The following SNX6 variants were observed in gnomAD, a reference collection of about 807,000 sequenced individuals.
SNX6 encodes the protein sorting nexin 6.
SNX6 carries 34 observed loss-of-function variants against 63.0 expected under a neutral mutation model. That is an observed-to-expected ratio of 0.54 (90% CI 0.41 to 0.72). The LOEUF (loss-of-function observed/expected upper bound fraction) is 0.72. SNX6 is among the 30% of genes least tolerant of loss of function. The pLI, the probability that SNX6 is intolerant of heterozygous loss-of-function variation, is 0.00. For missense variants in SNX6, 398 were observed against 471.4 expected, an observed-to-expected ratio of 0.84 and a Z score of 1.44; for synonymous variants, 170 against 164.2, an observed-to-expected ratio of 1.04 and a Z score of -0.27.
intron 11 of SNX6, chr14:34,569,117 T>TA: frequency 1.1e-6 from 1 of 910,124 alleles, no homozygotes; most frequent in Admixed American, 1.7e-5. Flanking sequence ...TCTTTTACAG[T>TA]AACTCCAGGC....
At chr14:34,601,574 T>C (rs1048374667) in intron 6 of SNX6, among the ~76,000 whole-genome samples, 4 of 151,520 alleles carry the variant, frequency 2.6e-5, no homozygotes, top group Non-Finnish European at 5.9e-5. Context: ...TCAGTGTCCC[T>C]TGTAGTAACA....
intron 8 of SNX6, among the ~76,000 whole-genome samples, chr14:34,590,088 G>A (rs1399339127): frequency 2.0e-5 from 3 of 151,998 alleles, no homozygotes; most frequent in African/African-American, 7.3e-5. Context: ...CTGGGTGACA[G>A]AGCGAGACCC....
chr14:34,605,764 G>C, intron 4 of SNX6, 47 bp from the exon 5 acceptor site: 1 of 1,580,900 alleles, frequency 6.3e-7, no homozygotes, highest in South Asian at 1.2e-5. Context: ...TTCATTTCTT[G>C]AAGCATTGTA....
intron 11 of SNX6, chr14:34,568,687 T>G: frequency 1.1e-6 from 1 of 936,328 alleles, no homozygotes; most frequent in Admixed American, 1.8e-5. Context: ...GCATGGTTTG[T>G]TCTAATGCTT....
At chr14:34,604,355 T>C (rs953224972) in intron 5 of SNX6, 1 of 1,096,128 alleles carries the variant, frequency 9.1e-7, no homozygotes, top group African/African-American at 1.7e-5. Flanking sequence ...ATTTCCAATT[T>C]TCAGTCTTAT....
At chr14:34,583,118 A>G (rs1380573158) in intron 9 of SNX6, among the ~76,000 whole-genome samples, 1 of 152,096 alleles carries the variant, frequency 6.6e-6, no homozygotes, top group Non-Finnish European at 1.5e-5. Flanking sequence ...CATCCTGGGT[A>G]ACATGGTGAA....
At position 34,626,681 on chromosome 14, in the gene SNX6, A is replaced by G. The variant is rs1883841023; in HGVS notation, c.54+3226T>C. 1.3e-5 allele frequency among the ~76,000 whole-genome samples: 2 copies of G among 151,374 alleles called. 1 individual carries two copies. The highest frequency in any genetic ancestry group is 4.2e-4 in the South Asian group (2 of 4,810). On this transcript the variant is annotated intron_variant, in intron 2 of 13. Coordinates refer to ENST00000362031, the MANE Select transcript of SNX6 (RefSeq NM_152233.4). ...GAGACTCCATTTCAAAAAAAAAAAAAGAGAAAGTTTCTGGACAAATTACTT... is the reference window on the plus strand; with the variant it reads ...GAGACTCCATTTCAAAAAAAAAAAAGGAGAAAGTTTCTGGACAAATTACTT...
chr14:34,592,982 A>G, intron 8 of SNX6, 63 bp downstream of exon 8: 1 of 1,185,302 alleles, frequency 8.4e-7, no homozygotes, highest in South Asian at 1.4e-5. Context: ...TTTTCAAACT[A>G]TAATATGAAC....
At chr14:34,616,245 T>TG (rs1284641036) in intron 2 of SNX6, among the ~76,000 whole-genome samples, 4 of 152,184 alleles carry the variant, frequency 2.6e-5, no homozygotes, top group Non-Finnish European at 5.9e-5. Flanking sequence ...TGAGCCACCA[T>TG]GCCCAGCCAG....
chr14:34,612,418 T>C (rs1883266976), intron 2 of SNX6, among the ~76,000 whole-genome samples: 1 of 152,106 alleles, frequency 6.6e-6, no homozygotes, highest in Non-Finnish European at 1.5e-5. Flanking sequence ...ATTATCCAGG[T>C]GGGCCTTAAA....
intron 6 of SNX6, among the ~76,000 whole-genome samples, chr14:34,600,768 T>G (rs986740223): frequency 4.6e-5 from 7 of 152,136 alleles, no homozygotes; most frequent in African/African-American, 1.7e-4. Context: ...CCAGGCATGG[T>G]GGCTCACACC....
At chr14:34,597,526 A>G in intron 7 of SNX6, 24 bp downstream of exon 7, 1 of 1,333,128 alleles carries the variant, frequency 7.5e-7, no homozygotes, top group East Asian at 2.3e-5. Flanking sequence ...AACTAATACC[A>G]CAGTTAATCA....
intron 10 of SNX6, among the ~76,000 whole-genome samples, chr14:34,577,715 A>G (rs1179483902): frequency 6.6e-6 from 1 of 152,162 alleles, no homozygotes; most frequent in African/African-American, 2.4e-5. Context: ...AAGCTATACT[A>G]TAATAAAAAG....
chr14:34,583,950 C>A (rs1179560610), intron 9 of SNX6, among the ~76,000 whole-genome samples: 1 of 150,352 alleles, frequency 6.7e-6, no homozygotes, highest in Admixed American at 6.7e-5. Flanking sequence ...CAGGTTCAAG[C>A]GATTCTCCTG....
intron 3 of SNX6, 48 bp downstream of exon 3, chr14:34,609,590 T>C: frequency 8.7e-7 from 1 of 1,144,856 alleles, no homozygotes; most frequent in Middle Eastern, 2.2e-4. Flanking sequence ...ATCACATATG[T>C]AGTATAATAA....
intron 7 of SNX6, among the ~76,000 whole-genome samples, chr14:34,596,940 G>A (rs570546588): frequency 6.6e-6 from 1 of 152,284 alleles, no homozygotes; most frequent in East Asian, 1.9e-4. Flanking sequence ...CCAAAGTGCT[G>A]GGATTACAGG....
chr14:34,568,819 A>C, intron 11 of SNX6: 1 of 1,026,696 alleles, frequency 9.7e-7, no homozygotes, highest in Non-Finnish European at 1.5e-6. Flanking sequence ...GGCTTGGAGG[A>C]CCCGGTGGGC....
intron 2 of SNX6, among the ~76,000 whole-genome samples, chr14:34,619,960 CCTTAGCCTCT>C (rs1294928566): frequency 6.6e-6 from 1 of 152,154 alleles, no homozygotes; most frequent in Non-Finnish European, 1.5e-5. Flanking sequence ...GATCCTCCCA[CCTTAGCCTCT>C]CAAATGCTGG....
Position 34,592,087 on chromosome 14 carries a change from T to C in SNX6, c.718+958A>G, listed in dbSNP as rs189629343. ...AGGGCATTCTTAAGTGAAAGTCACA[T>C]GTCTTAAAAATTGCAAGTGGCCAGG... On this transcript the variant is annotated intron_variant, in intron 8 of 13. Coordinates refer to ENST00000362031, the MANE Select transcript of SNX6 (RefSeq NM_152233.4). 1.6e-4 allele frequency among the ~76,000 whole-genome samples: 24 copies of C among 152,270 alleles called. No individual in the cohort carries two copies. The East Asian group carries it at 4.1e-3, about 26-fold the overall frequency.
Sources: gnomAD v4.1 joint callset for allele counts (sites outside exome capture counted in the v4.1 genomes callset) on GRCh38, gnomAD v4.1.1 for gene constraint, MANE v1.5 for transcripts, NCBI Gene and HGNC (gene_info 2026-07-23, HGNC 2026-07-21) for gene names.